NALCN: variants seen among roughly 807,000 people sequenced by gnomAD.
NALCN encodes sodium leak channel, non-selective, also known as sodium leak channel NALCN.
NALCN carries 111 observed loss-of-function variants against 225.3 expected under a neutral mutation model. The observed-to-expected ratio is 0.49, with a 90% confidence interval of 0.42 to 0.58. The LOEUF (loss-of-function observed/expected upper bound fraction) is 0.58, where lower values mean the gene tolerates loss of function less well. Ranked by LOEUF, NALCN falls within the 20% of genes least tolerant of loss-of-function variation. The pLI is 0.00. For missense variants in NALCN, 1,378 were observed against 2,202.4 expected, an observed-to-expected ratio of 0.63 and a Z score of 7.49; for synonymous variants, 764 against 769.0, an observed-to-expected ratio of 0.99 and a Z score of 0.11.
intron 10 of NALCN, among the ~76,000 whole-genome samples, chr13:101,283,194 T>C (rs552634426): frequency 8.2e-4 from 125 of 152,284 alleles, no homozygotes; most frequent in South Asian, 1.7e-3. Flanking sequence ...TTAGGGGTGC[T>C]GCTCTTGGTA....
intron 17 of NALCN, among the ~76,000 whole-genome samples, chr13:101,139,017 T>C (rs17621541): frequency 0.1 from 15,736 of 152,148 alleles, 1,135 homozygotes; most frequent in East Asian, 0.37. Context: ...GTCGTTTCTA[T>C]GGAGTCTCAA....
intron 6 of NALCN, among the ~76,000 whole-genome samples, chr13:101,361,133 A>C (rs1213228449): frequency 6.6e-6 from 1 of 152,178 alleles, no homozygotes; most frequent in Non-Finnish European, 1.5e-5. Context: ...TTTACCAAAG[A>C]GATTTCATCC....
At chr13:101,254,109 G>GTGA (rs2042141984) in intron 11 of NALCN, among the ~76,000 whole-genome samples, 1 of 152,080 alleles carries the variant, frequency 6.6e-6, no homozygotes, top group South Asian at 2.1e-4. Flanking sequence ...ACGGCCAGGA[G>GTGA]TGATGGCTCA....
At chr13:101,189,850 A>C (rs916764533) in intron 14 of NALCN, among the ~76,000 whole-genome samples, 3 of 152,218 alleles carry the variant, frequency 2.0e-5, no homozygotes, top group African/African-American at 7.2e-5. Context: ...CAGTAAGTGG[A>C]AAGAGTAGAA....
At position 101,141,668 on chromosome 13, in the gene NALCN, G is replaced by T. The variant is rs145650727; in HGVS notation, c.2118+1412C>A. On this transcript the variant is annotated intron_variant, in intron 17 of 43. Coordinates refer to ENST00000251127, the MANE Select transcript of NALCN (RefSeq NM_052867.4). ...GGAGGTGAAAAAGGAGGAAAAAGGG[G>T]AGGCAAGAAAGAGGAGAAAAAGGGG... is the stretch of plus-strand genomic sequence containing the variant. 2.6e-3 allele frequency among the ~76,000 whole-genome samples: 388 copies of T among 151,894 alleles called. 1 individual carries two copies. The highest frequency in any genetic ancestry group is 9.0e-3 in the African/African-American group (372 of 41,370).
At chr13:101,059,748 T>C in intron 42 of NALCN, 70 bp downstream of exon 42, 1 of 1,427,848 alleles carries the variant, frequency 7.0e-7, no homozygotes, top group Non-Finnish European at 9.7e-7. Flanking sequence ...CAGCACCCAT[T>C]TTATTTATTT....
chr13:101,275,377 C>T (rs537031737), intron 10 of NALCN, among the ~76,000 whole-genome samples: 56 of 152,236 alleles, frequency 3.7e-4, no homozygotes, highest in South Asian at 8.3e-4. Flanking sequence ...AGAGAAAGGC[C>T]GAATGACACT....
intron 13 of NALCN, among the ~76,000 whole-genome samples, chr13:101,209,948 T>C (rs578254644): frequency 1.3e-5 from 2 of 152,222 alleles, no homozygotes; most frequent in Non-Finnish European, 2.9e-5. Context: ...AGGATTTTTA[T>C]CTTTTGCCTG....
At chr13:101,174,391 A>G (rs2038874017) in intron 15 of NALCN, among the ~76,000 whole-genome samples, 1 of 152,210 alleles carries the variant, frequency 6.6e-6, no homozygotes, top group Non-Finnish European at 1.5e-5. Context: ...ATTAAAAGCC[A>G]TTTTATAAAT....
At chr13:101,083,457 G>A (rs925964647) in intron 31 of NALCN, among the ~76,000 whole-genome samples, 13 of 152,072 alleles carry the variant, frequency 8.5e-5, no homozygotes, top group African/African-American at 3.1e-4. Flanking sequence ...TTTTTAAAAG[G>A]CAAGAGCAAA....
chr13:101,056,601 T>A (rs1425141123), intron 43 of NALCN, among the ~76,000 whole-genome samples: 1 of 152,128 alleles, frequency 6.6e-6, no homozygotes, highest in African/African-American at 2.4e-5. Context: ...CTTTTGTCCA[T>A]TTAAATGAAT....
intron 30 of NALCN, among the ~76,000 whole-genome samples, chr13:101,088,389 C>T (rs2034036180): frequency 6.6e-6 from 1 of 152,108 alleles, no homozygotes; most frequent in African/African-American, 2.4e-5. Context: ...TGAATAACAT[C>T]GAGCAGCACG....
chr13:101,277,458 A>C (rs1419415010), intron 10 of NALCN, among the ~76,000 whole-genome samples: 1 of 152,208 alleles, frequency 6.6e-6, no homozygotes, highest in Non-Finnish European at 1.5e-5. Flanking sequence ...TTTGTGATCT[A>C]AAGTTACATT....
intron 14 of NALCN, among the ~76,000 whole-genome samples, chr13:101,177,053 A>G (rs944686420): frequency 3.9e-5 from 6 of 152,172 alleles, no homozygotes; most frequent in African/African-American, 1.4e-4. Flanking sequence ...AGCAGGTGCT[A>G]TGTTGTGAGG....
In NALCN at chr13:101,416,387, T is replaced by C; in HGVS notation, c.-114A>G. 6.5e-6 allele frequency: 1 copy of C among 152,982 alleles called. No homozygotes were observed. The allele number at this position is 152,982 out of a possible 1,614,324, so 9.5% of individuals were successfully genotyped here. A position where few individuals can be genotyped will look rare whatever the true frequency, so the allele number is the denominator to read the frequency against. ...CGGCGACAGTGGGCGACCGGCAGGA[T>C]CAGTGCCAGGCGCGGCGCCCAGGGC... On this transcript the variant is annotated 5_prime_UTR_variant, in exon 1 of 44. Transcript: ENST00000251127.
chr13:101,388,478 A>T (rs774534465), intron 3 of NALCN, among the ~76,000 whole-genome samples: 10 of 152,200 alleles, frequency 6.6e-5, no homozygotes, highest in Non-Finnish European at 1.2e-4. Flanking sequence ...GTTGATGGAA[A>T]TGTGAAAATA....
chr13:101,307,365 G>A (rs1415629869), intron 7 of NALCN, among the ~76,000 whole-genome samples: 1 of 152,084 alleles, frequency 6.6e-6, no homozygotes, highest in East Asian at 1.9e-4. Context: ...TACACACCAG[G>A]CCTTTCTCTA....
At position 101,089,851 on chromosome 13, in the gene NALCN, C is replaced by T. The variant is rs1289964047; in HGVS notation, c.3385G>A (p.Gly1129Arg). The T allele has an allele frequency of 6.2e-7, 1 of 1,614,006 alleles. No homozygotes were observed. Among genetic ancestry groups the T allele is most frequent in the African/African-American group, 1.3e-5 (1 of 75,002 alleles). The change falls in exon 29 of 44, where the codon GGG (glycine) becomes AGG (arginine). Residue 1129 changes from glycine (G) to arginine (R), a missense_variant. Gly to Arg is a moderately radical substitution (Grantham distance 125, BLOSUM62 -2). This residue lies in a region of NALCN where 292 missense variants were observed against 409.5 expected (regional missense o/e 0.71). Transcript: ENST00000251127. The surrounding 1 kb of genome is among the most constrained non-coding windows in gnomAD (Gnocchi z 4.7). ...EVRDVIIHRV[G>R]PIHGIYIHVF... ...GATTCGATGTGCTCGCTTACCGGCC[C>T]CACACGATGAATAATAACATCTCTC...
At chr13:101,337,235 T>G (rs917452150) in intron 7 of NALCN, among the ~76,000 whole-genome samples, 1 of 152,122 alleles carries the variant, frequency 6.6e-6, no homozygotes, top group Non-Finnish European at 1.5e-5. Context: ...TAAGGGGCCA[T>G]CAGTTTGCAG....
Sources: allele counts gnomAD v4.1 joint callset (sites outside exome capture counted in the v4.1 genomes callset), GRCh38; gene constraint gnomAD v4.1.1; regional missense constraint gnomAD v4.1.1; non-coding constraint Gnocchi (gnomAD v3.1); transcripts MANE v1.5; gene names NCBI Gene and HGNC (gene_info 2026-07-23, HGNC 2026-07-21).